The following PCDHGB4 variants were observed in gnomAD, a reference collection of about 807,000 sequenced individuals.
The protein encoded by PCDHGB4 is protocadherin gamma-B4.
Under a neutral mutation model 60.5 loss-of-function variants are expected in PCDHGB4, and 38 were observed. That is an observed-to-expected ratio of 0.63 (90% CI 0.48 to 0.82). PCDHGB4 has a LOEUF of 0.82. Ranked by LOEUF, PCDHGB4 falls within the 40% of genes least tolerant of loss-of-function variation. The pLI is 0.00. For synonymous variants in PCDHGB4, 456 were observed against 509.7 expected (o/e 0.89, Z 1.42); for missense variants, 1,109 against 1,209.6 (o/e 0.92, Z 1.23).
chr5:141,419,240 G>T, intron 1 of PCDHGB4: 1 of 1,613,980 alleles, frequency 6.2e-7, no homozygotes. Flanking sequence ...CCTGGTCCAC[G>T]TGCCAGAAAA....
rs1236074950 is a variant in PCDHGB4 at position 141,489,119 on chromosome 5, C to G, written c.2398-5688C>G. On this transcript the variant is annotated intron_variant, in intron 1 of 3. Transcript: ENST00000519479. This position sits in a 1 kb window ranked among gnomAD's most constrained non-coding sequence, Gnocchi z 4.5. ...GAACTGCTGCAAGCAGGCAAACCTC[C>G]GAGCAGTTTTTAAGAGGCTGGAAGG... The G allele has an allele frequency of 1.5e-6, 1 of 650,358 alleles. No individual in the cohort carries two copies. Among genetic ancestry groups the G allele is most frequent in the Non-Finnish European group, 2.5e-6 (1 of 400,690 alleles). The allele number at this position is 650,358 out of a possible 1,614,324, so 40.3% of individuals were successfully genotyped here. A position where few individuals can be genotyped will look rare whatever the true frequency, so the allele number is the denominator to read the frequency against.
chr5:141,415,056 G>T, intron 1 of PCDHGB4: 1 of 1,613,416 alleles, frequency 6.2e-7, no homozygotes. Context: ...GGGAGCACAC[G>T]GGCGAGGTGC....
In PCDHGB4 at chr5:141,487,801, A is replaced by G. The variant is rs895741843; in HGVS notation, c.2398-7006A>G. The G allele has an allele frequency of 1.0e-5, 15 of 1,479,820 alleles. No individual in the cohort carries two copies. The highest frequency in any genetic ancestry group is 2.7e-6 in the Non-Finnish European group (3 of 1,095,672). The allele number at this position is 1,479,820 out of a possible 1,614,324, so 91.7% of individuals were successfully genotyped here. On this transcript the variant is annotated intron_variant, in intron 1 of 3. Coordinates refer to ENST00000519479, the MANE Select transcript of PCDHGB4 (RefSeq NM_003736.4). The surrounding 1 kb of genome is among the most constrained non-coding windows in gnomAD (Gnocchi z 5.0). ...GTTTCGTGAATTAACCAGAGTTGTC[A>G]CAGTTTAGCATTGGGGGCGGGTCAT... is the stretch of plus-strand genomic sequence containing the variant.
chr5:141,393,742 A>T, intron 1 of PCDHGB4: 1 of 1,613,902 alleles, frequency 6.2e-7, no homozygotes, highest in Non-Finnish European at 8.5e-7. Flanking sequence ...CTAGATTATG[A>T]AGAATGTTCA....
chr5:141,466,510 A>AT (rs1222513096), intron 1 of PCDHGB4, among the ~76,000 whole-genome samples: 1 of 151,938 alleles, frequency 6.6e-6, no homozygotes, highest in African/African-American at 2.4e-5. Context: ...AGACAAGATC[A>AT]TTTTTTTTCC....
rs570809952 is a variant in PCDHGB4 at position 141,463,609 on chromosome 5, C to T, written c.2398-31198C>T. 4.6e-5 allele frequency among the ~76,000 whole-genome samples: 7 copies of T among 151,964 alleles called. No homozygotes were observed. In the East Asian group the frequency reaches 9.7e-4, roughly 21 times the overall value. The stretch of plus-strand genomic sequence containing the variant: ...GACTACAGGTGCCTGCCACCATGCC[C>T]GGCTAATTTTTTGTATTTTGTTTAG... On this transcript the variant is annotated intron_variant, in intron 1 of 3. Coordinates refer to ENST00000519479, the MANE Select transcript of PCDHGB4 (RefSeq NM_003736.4).
chr5:141,433,408 A>ATCTATCTATCT (rs1413347413), intron 1 of PCDHGB4, among the ~76,000 whole-genome samples: 6 of 127,280 alleles, frequency 4.7e-5, no homozygotes, highest in African/African-American at 1.8e-4. Context: ...TCTATCTATT[A>ATCTATCTATCT]CTTTCTTGTA....
intron 1 of PCDHGB4, among the ~76,000 whole-genome samples, chr5:141,472,980 C>CAAAAAAAAAAAAAAAA (rs60579131): frequency 2.8e-4 from 24 of 86,024 alleles, no homozygotes; most frequent in East Asian, 1.2e-3. Context: ...GAGTGAAACT[C>CAAAAAAAAAAAAAAAA]AAAAAAAAAA....
At position 141,431,639 on chromosome 5, in the gene PCDHGB4, C is replaced by T; in HGVS notation, c.2397+41358C>T. 1 of 1,614,262 alleles carries T rather than the reference C, an allele frequency of 6.2e-7. No homozygotes were observed. The highest frequency in any genetic ancestry group is 8.5e-7 in the Non-Finnish European group (1 of 1,180,046). On this transcript the variant is annotated intron_variant, in intron 1 of 3. Transcript: ENST00000519479. This position sits in a 1 kb window ranked among gnomAD's most constrained non-coding sequence, Gnocchi z 4.8. Reference sequence around the variant, plus strand: ...CGACAAGGCGGCCCAAGTTTTCAAACTAGATTGTAATTCAGGGACAATATC... The same window carrying T: ...CGACAAGGCGGCCCAAGTTTTCAAATTAGATTGTAATTCAGGGACAATATC...
At chr5:141,425,258 G>T (rs965944291) in intron 1 of PCDHGB4, among the ~76,000 whole-genome samples, 2 of 152,134 alleles carry the variant, frequency 1.3e-5, no homozygotes, top group Non-Finnish European at 2.9e-5. Context: ...GAGGTATTTG[G>T]CTGGGAAAAG....
intron 1 of PCDHGB4, chr5:141,405,577 T>C (rs1034475748): frequency 1.0e-5 from 6 of 597,580 alleles, no homozygotes; most frequent in Non-Finnish European, 1.8e-5. Context: ...GTAGAGTAGC[T>C]GGGACTACAG....
intron 1 of PCDHGB4, among the ~76,000 whole-genome samples, chr5:141,472,869 C>T (rs919331906): frequency 6.6e-6 from 1 of 151,388 alleles, no homozygotes; most frequent in Non-Finnish European, 1.5e-5. Context: ...GCCTGTATTC[C>T]CAGCTACTCG....
chr5:141,438,180 A>G (rs2097937602), intron 1 of PCDHGB4, among the ~76,000 whole-genome samples: 1 of 152,204 alleles, frequency 6.6e-6, no homozygotes, highest in African/African-American at 2.4e-5. Context: ...AATATTTTAT[A>G]AAGGATGAGA....
chr5:141,491,409 G>C lies in PCDHGB4; in HGVS notation c.2398-3398G>C, dbSNP rs2099711927. 6.2e-7 allele frequency: 1 copy of C among 1,614,000 alleles called. No homozygotes were observed. Among genetic ancestry groups the C allele is most frequent in the Non-Finnish European group, 8.5e-7 (1 of 1,180,022 alleles). The stretch of plus-strand genomic sequence containing the variant: ...AGTGCCTTCAGGGAAACGCAGACGG[G>C]GACGGGGGTGGAGGGCAGTGCTGCA... On this transcript the variant is annotated intron_variant, in intron 1 of 3. Coordinates refer to ENST00000519479, the MANE Select transcript of PCDHGB4 (RefSeq NM_003736.4). This position sits in a 1 kb window ranked among gnomAD's most constrained non-coding sequence, Gnocchi z 6.9.
rs2099623857 is a variant in PCDHGB4, at chr5:141,486,060, A to ACC, written c.2398-8744_2398-8743dup. On this transcript the variant is annotated intron_variant, in intron 1 of 3. Transcript: ENST00000519479. This position sits in a 1 kb window ranked among gnomAD's most constrained non-coding sequence, Gnocchi z 5.0. Reference sequence around the variant, plus strand: ...CGTGTAAGAAACCTCTTTAGCCTGCACCCCACTACTGGAAAGCTTACTCTT... The same window carrying ACC: ...CGTGTAAGAAACCTCTTTAGCCTGCACCCCCCACTACTGGAAAGCTTACTCTT... The ACC allele has an allele frequency of 1.2e-6, 2 of 1,613,980 alleles. No homozygotes were observed. The highest frequency in any genetic ancestry group is 1.7e-6 in the Non-Finnish European group (2 of 1,179,980).
intron 1 of PCDHGB4, chr5:141,433,325 C>CA: frequency 2.8e-6 from 2 of 726,266 alleles, no homozygotes; most frequent in Non-Finnish European, 4.5e-6. Context: ...TCCGGTGTAA[C>CA]AGGGACTACA....
chr5:141,478,076 C>G (rs1486983629), intron 1 of PCDHGB4: 2 of 1,614,106 alleles, frequency 1.2e-6, no homozygotes, highest in Non-Finnish European at 1.7e-6. Context: ...CAATGGGGAG[C>G]CTTCGCTCTC....
At chr5:141,427,721 A>C (rs904969652) in intron 1 of PCDHGB4, 3 of 1,110,498 alleles carry the variant, frequency 2.7e-6, no homozygotes, top group Non-Finnish European at 4.0e-6. Context: ...ACCTGGACCT[A>C]GGGCTGAATG....
At chr5:141,423,123 A>C in intron 1 of PCDHGB4, 1 of 1,613,760 alleles carries the variant, frequency 6.2e-7, no homozygotes. Flanking sequence ...CAGCGCGGGC[A>C]CTGCTGGACA....
Sources: allele counts gnomAD v4.1 joint callset (sites outside exome capture counted in the v4.1 genomes callset), GRCh38; gene constraint gnomAD v4.1.1; non-coding constraint Gnocchi (gnomAD v3.1); transcripts MANE v1.5; gene names NCBI Gene and HGNC (gene_info 2026-07-23, HGNC 2026-07-21).